Variants in PCDHA13 observed in about 807,000 individuals in gnomAD.
The protein encoded by PCDHA13 is protocadherin alpha 13, also known as protocadherin alpha-13.
Under a neutral mutation model 64.8 loss-of-function variants are expected in PCDHA13, and 54 were observed. The ratio of observed to expected loss-of-function variants is 0.83; its 90% CI spans 0.67 to 1.04. The LOEUF (loss-of-function observed/expected upper bound fraction) is 1.04, where lower values mean the gene tolerates loss of function less well. PCDHA13 is among the 50% of genes least tolerant of loss of function. The pLI is 0.00. For missense variants in PCDHA13, 1,248 were observed against 1,254.3 expected (o/e 0.99, Z 0.08); for synonymous variants, 587 against 564.4 (o/e 1.04, Z -0.57).
chr5:140,968,899 A>T (rs782594245), intron 1 of PCDHA13: 7 of 1,614,130 alleles, frequency 4.3e-6, no homozygotes, highest in Non-Finnish European at 5.1e-6. Flanking sequence ...TAATAATAGC[A>T]TTAAGCACAG....
At chr5:140,964,367 T>C (rs1269937571) in intron 1 of PCDHA13, among the ~76,000 whole-genome samples, 1 of 152,178 alleles carries the variant, frequency 6.6e-6, no homozygotes, top group Non-Finnish European at 1.5e-5. Context: ...ACAAGAGTGC[T>C]GAAAGGAGAG....
chr5:140,929,234 G>A (rs781843995), intron 1 of PCDHA13: 1 of 1,613,838 alleles, frequency 6.2e-7, no homozygotes, highest in Non-Finnish European at 8.5e-7. Flanking sequence ...GCCGACCTGC[G>A]AAATCTTGCC....
intron 1 of PCDHA13, among the ~76,000 whole-genome samples, chr5:140,974,301 A>G (rs2096621600): frequency 6.6e-6 from 1 of 152,190 alleles, no homozygotes; most frequent in Non-Finnish European, 1.5e-5. Context: ...AGGAGGTACA[A>G]CTGTGAGTGA....
chr5:140,986,776 C>G (rs916981139), intron 3 of PCDHA13, among the ~76,000 whole-genome samples: 5 of 152,098 alleles, frequency 3.3e-5, no homozygotes, highest in Non-Finnish European at 7.3e-5. Context: ...AATTAGGTAG[C>G]GGAAGCCACT....
chr5:140,887,387 C>T (rs959255749), intron 1 of PCDHA13, among the ~76,000 whole-genome samples: 8 of 152,106 alleles, frequency 5.3e-5, no homozygotes, highest in Non-Finnish European at 1.5e-5. Context: ...TGAGCCACCG[C>T]GCCCGGCTCT....
chr5:140,984,086 A>C (rs187283969), intron 3 of PCDHA13, among the ~76,000 whole-genome samples: 1 of 152,356 alleles, frequency 6.6e-6, no homozygotes, highest in Admixed American at 6.5e-5. Flanking sequence ...GGAGTGAAGA[A>C]ATGATGGAGG....
intron 1 of PCDHA13, among the ~76,000 whole-genome samples, chr5:140,978,500 G>T (rs1480843119): frequency 2.0e-5 from 3 of 152,228 alleles, no homozygotes; most frequent in Non-Finnish European, 2.9e-5. Context: ...GCAGCAGATT[G>T]CAGTCCTCTG....
rs1174281421 is a variant in PCDHA13, at chr5:140,882,545, G to A, written c.277G>A (p.Glu93Lys). Residue 93 changes from glutamate to lysine, a missense_variant, in exon 1 of 4, where the codon GAG becomes AAG. Glu to Lys is a moderately conservative substitution (Grantham distance 56). Transcript: ENST00000289272. ...GTTTGTGAATTCTCGGATCGACCGC[G>A]AGGAGCTGTGTGGGCGGAGCGCGGA... The part of the protein sequence containing the change: ...ILFVNSRIDR[E>K]ELCGRSAECS... 2.5e-6 allele frequency: 4 copies of A among 1,614,238 alleles called. No homozygotes were observed.
chr5:140,928,485 C>T, intron 1 of PCDHA13: 2 of 1,614,136 alleles, frequency 1.2e-6, no homozygotes, highest in Non-Finnish European at 1.7e-6. Context: ...GGGATGGTGG[C>T]ATTCCTCCCA....
At chr5:140,908,985 C>G (rs2074252217) in intron 1 of PCDHA13, among the ~76,000 whole-genome samples, 1 of 152,130 alleles carries the variant, frequency 6.6e-6, no homozygotes, top group African/African-American at 2.4e-5. Context: ...CCACTGGACC[C>G]CTAGAAATTT....
chr5:140,981,185 T>C (rs2096921770), intron 2 of PCDHA13, among the ~76,000 whole-genome samples: 1 of 152,224 alleles, frequency 6.6e-6, no homozygotes. Flanking sequence ...TAGTTCAAGT[T>C]TGCCTGCTCT....
chr5:140,991,968 C>A (rs80040458), intron 3 of PCDHA13, among the ~76,000 whole-genome samples: 1,562 of 151,686 alleles, frequency 0.01, 27 homozygotes, highest in African/African-American at 0.036. Context: ...TTTGGTGGGG[C>A]CATTATTCTG....
chr5:140,913,450 T>G (rs2153526628), intron 1 of PCDHA13, among the ~76,000 whole-genome samples: 1 of 152,270 alleles, frequency 6.6e-6, no homozygotes, highest in Middle Eastern at 3.4e-3. Flanking sequence ...TCAGCTCCGA[T>G]TTTATTTACT....
In PCDHA13 at chr5:140,967,285, G is replaced by C. The variant is rs150694611; in HGVS notation, c.2395-11664G>C. 6,229 of 1,613,054 alleles carry C rather than the reference G, an allele frequency of 3.9e-3. 11 individuals carry two copies. The highest frequency in any genetic ancestry group is 5.0e-3 in the Non-Finnish European group (5,885 of 1,179,544). On this transcript the variant is annotated intron_variant, in intron 1 of 3. Coordinates refer to ENST00000289272, the MANE Select transcript of PCDHA13 (RefSeq NM_018904.3). Reference sequence around the variant, plus strand: ...CGCGCTTTCACATAGAGAGTGCGCAGGACCCCGACGTGGGCGCCAACTCAG... The same window carrying C: ...CGCGCTTTCACATAGAGAGTGCGCACGACCCCGACGTGGGCGCCAACTCAG...
intron 1 of PCDHA13, among the ~76,000 whole-genome samples, chr5:140,887,774 C>G (rs2061572628): frequency 6.6e-6 from 1 of 152,168 alleles, no homozygotes; most frequent in Non-Finnish European, 1.5e-5. Context: ...TACAATGACA[C>G]AGGTCATTGA....
intron 3 of PCDHA13, among the ~76,000 whole-genome samples, chr5:141,004,046 C>A (rs79317939): frequency 0.03 from 4,581 of 152,294 alleles, 86 homozygotes; most frequent in Non-Finnish European, 0.047. Flanking sequence ...TGATCATTTG[C>A]TGATACTGGC....
At chr5:141,000,389 CTCTCTCTATA>C (rs1363755181) in intron 3 of PCDHA13, among the ~76,000 whole-genome samples, 150 of 62,510 alleles carry the variant, frequency 2.4e-3, no homozygotes, top group African/African-American at 5.3e-3. Context: ...CTCTCTCTCT[CTCTCTCTATA>C]TATATATATA....
At chr5:140,934,926 G>C (rs1054459840) in intron 1 of PCDHA13, among the ~76,000 whole-genome samples, 1 of 152,116 alleles carries the variant, frequency 6.6e-6, no homozygotes, top group African/African-American at 2.4e-5. Flanking sequence ...TTCACATAAA[G>C]TTACAAAACT....
chr5:140,915,542 G>T (rs1253663657), intron 1 of PCDHA13, among the ~76,000 whole-genome samples: 2 of 152,030 alleles, frequency 1.3e-5, no homozygotes, highest in Admixed American at 6.6e-5. Context: ...TGGAGGTCTT[G>T]AATAAGATCC....
Sources: allele counts gnomAD v4.1 joint callset (sites outside exome capture counted in the v4.1 genomes callset), GRCh38; gene constraint gnomAD v4.1.1; transcripts MANE v1.5; gene names NCBI Gene and HGNC (gene_info 2026-07-23, HGNC 2026-07-21).